Variants in CELF2 observed in about 807,000 individuals in gnomAD.
CELF2 encodes CUGBP Elav-like family member 2, also known as CUG triplet repeat RNA-binding protein 2.
A neutral mutation model predicts 62.6 loss-of-function variants in CELF2; 8 were observed. The observed-to-expected ratio is 0.13, with a 90% CI of 0.07 to 0.23. CELF2 has a LOEUF of 0.23. Ranked by LOEUF, CELF2 falls within the 10% of genes least tolerant of loss-of-function variation. CELF2 has a pLI of 1.00. For missense variants in CELF2, 333 were observed against 671.0 expected, an observed-to-expected ratio of 0.50 and a Z score of 5.56; for synonymous variants, 258 against 250.0, an observed-to-expected ratio of 1.03 and a Z score of -0.30.
the CELF2 span, among the ~76,000 whole-genome samples, chr10:10,576,806 G>T: frequency 1.3e-5 from 2 of 152,076 alleles, no homozygotes; most frequent in Non-Finnish European, 1.5e-5. Context: ...AGAGTAACTG[G>T]TATAAAGTAA....
chr10:10,693,941 G>A, the CELF2 span, among the ~76,000 whole-genome samples: 1 of 151,244 alleles, frequency 6.6e-6, no homozygotes, highest in African/African-American at 2.4e-5. Flanking sequence ...TACCTATTTT[G>A]TTGATCCTTT....
chr10:10,570,275 C>T, the CELF2 span, among the ~76,000 whole-genome samples: 1 of 152,116 alleles, frequency 6.6e-6, no homozygotes, highest in East Asian at 1.9e-4. Context: ...TGTGGTTCCA[C>T]ATTGTGCATC....
the CELF2 span, among the ~76,000 whole-genome samples, chr10:10,636,447 GTTATGT>G: frequency 6.6e-6 from 1 of 152,164 alleles, no homozygotes. Context: ...TCACATTTCT[GTTATGT>G]TAATGCTCTG....
At chr10:10,512,614 C>T in the CELF2 span, among the ~76,000 whole-genome samples, 2 of 151,994 alleles carry the variant, frequency 1.3e-5, no homozygotes, top group African/African-American at 4.8e-5. Context: ...AGGGTTTCAC[C>T]GTGTTGGCCA....
chr10:10,508,754 T>C, the CELF2 span, among the ~76,000 whole-genome samples: 2 of 150,904 alleles, frequency 1.3e-5, no homozygotes, highest in South Asian at 4.2e-4. Flanking sequence ...CAGGCTGGAA[T>C]GCAATGGCGT....
intron 2 of CELF2, among the ~76,000 whole-genome samples, chr10:10,987,612 C>T (rs1224416041): frequency 6.6e-6 from 1 of 152,006 alleles, no homozygotes; most frequent in Non-Finnish European, 1.5e-5. Flanking sequence ...ACTCCACAAT[C>T]AATTGTGGTT....
At chr10:10,470,944 A>G in the CELF2 span, among the ~76,000 whole-genome samples, 2 of 151,162 alleles carry the variant, frequency 1.3e-5, 1 homozygote, top group Non-Finnish European at 3.0e-5. Flanking sequence ...TTTCCACCCA[A>G]CCACCACTTT....
chr10:10,903,440 T>A (rs2063093350), intron 1 of CELF2, among the ~76,000 whole-genome samples: 1 of 152,166 alleles, frequency 6.6e-6, no homozygotes, highest in South Asian at 2.1e-4. Flanking sequence ...AACTTTCCAA[T>A]AAGCAAACCC....
In CELF2 at chr10:11,280,272, A is replaced by C. The variant is rs1348576954; in HGVS notation, c.841+5152A>C. 3.3e-5 allele frequency among the ~76,000 whole-genome samples: 5 copies of C among 152,242 alleles called. No homozygotes were observed. Among genetic ancestry groups the C allele is most frequent in the African/African-American group, 1.2e-4 (5 of 41,496 alleles). On this transcript the variant is annotated intron_variant, in intron 8 of 12. Coordinates refer to ENST00000633077, the MANE Select transcript of CELF2 (RefSeq NM_001326342.2). This position sits in a 1 kb window ranked among gnomAD's most constrained non-coding sequence, Gnocchi z 7.6. ...GGGGAGGAATAAGGGGAGTTGCAGG[A>C]GAGGCCCCGCGCCCCATCCAGGAGC...
At chr10:10,693,659 T>C in the CELF2 span, among the ~76,000 whole-genome samples, 3 of 151,668 alleles carry the variant, frequency 2.0e-5, no homozygotes, top group Non-Finnish European at 4.4e-5. Context: ...TTTTGGTTGG[T>C]AAGCTATTGA....
chr10:10,597,147 G>A, the CELF2 span, among the ~76,000 whole-genome samples: 1 of 152,166 alleles, frequency 6.6e-6, no homozygotes, highest in African/African-American at 2.4e-5. Flanking sequence ...AATTTTCTAA[G>A]TGTGTTCATC....
intron 1 of CELF2, among the ~76,000 whole-genome samples, chr10:10,895,286 T>C (rs1436929803): frequency 6.6e-6 from 1 of 152,222 alleles, no homozygotes; most frequent in Non-Finnish European, 1.5e-5. Flanking sequence ...TTATCCACCC[T>C]ATACATTTTT....
At chr10:11,124,815 C>T (rs190927160) in intron 1 of CELF2, among the ~76,000 whole-genome samples, 1 of 152,158 alleles carries the variant, frequency 6.6e-6, no homozygotes, top group Non-Finnish European at 1.5e-5. Flanking sequence ...TTCATAAATT[C>T]TTCTGATACT....
chr10:11,098,450 T>C lies in CELF2; in HGVS notation c.75-67036T>C, dbSNP rs1490058155. 1 of 152,022 alleles carries C rather than the reference T, an allele frequency of 6.6e-6. No homozygotes were observed. The highest frequency in any genetic ancestry group is 1.5e-5 in the Non-Finnish European group (1 of 68,012). The allele number at this position is 152,022 out of a possible 1,614,324, so 9.4% of individuals were successfully genotyped here. The stretch of plus-strand genomic sequence containing the variant: ...GACGTGAGCTCAAACCCCCATGTAC[T>C]GCAGAGGGATAACAGTTCTTCAGCC... On this transcript the variant is annotated intron_variant, in intron 1 of 12. Coordinates refer to ENST00000633077, the MANE Select transcript of CELF2 (RefSeq NM_001326342.2). This position sits in a 1 kb window ranked among gnomAD's most constrained non-coding sequence, Gnocchi z 4.0.
chr10:10,570,782 G>T, the CELF2 span, among the ~76,000 whole-genome samples: 1 of 152,098 alleles, frequency 6.6e-6, no homozygotes. Flanking sequence ...GTTAGGAGAT[G>T]TTGAAGATAG....
chr10:10,608,115 G>A, the CELF2 span, among the ~76,000 whole-genome samples: 15 of 149,908 alleles, frequency 1.0e-4, no homozygotes, highest in Admixed American at 5.4e-4. Flanking sequence ...GCAAATGAGA[G>A]CAAAACTCTG....
chr10:10,674,212 GCACCTA>G, the CELF2 span, among the ~76,000 whole-genome samples: 1 of 152,074 alleles, frequency 6.6e-6, no homozygotes, highest in African/African-American at 2.4e-5. Context: ...CTGATTTTAG[GCACCTA>G]CACATTAAGA....
intron 1 of CELF2, among the ~76,000 whole-genome samples, chr10:10,814,091 TA>T (rs2056204571): frequency 6.6e-6 from 1 of 151,972 alleles, no homozygotes; most frequent in Non-Finnish European, 1.5e-5. Context: ...CTCTACTCTC[TA>T]GCAAATATAC....
chr10:10,654,837 C>T, the CELF2 span, among the ~76,000 whole-genome samples: 2 of 150,688 alleles, frequency 1.3e-5, no homozygotes, highest in Non-Finnish European at 2.9e-5. Flanking sequence ...CTCACCACTC[C>T]TATTCAACAT....
Sources: allele counts gnomAD v4.1 joint callset (sites outside exome capture counted in the v4.1 genomes callset), GRCh38; gene constraint gnomAD v4.1.1; non-coding constraint Gnocchi (gnomAD v3.1); transcripts MANE v1.5; gene names NCBI Gene and HGNC (gene_info 2026-07-23, HGNC 2026-07-21).